The following EEFSEC variants were observed in gnomAD, a reference collection of about 807,000 sequenced individuals.
EEFSEC encodes selenocysteine-specific elongation factor.
In EEFSEC, 43 loss-of-function variants were observed where a neutral mutation model predicts 42.1. That is an observed-to-expected ratio of 1.02 (90% CI 0.80 to 1.32). The LOEUF (loss-of-function observed/expected upper bound fraction) is 1.32, where lower values mean the gene tolerates loss of function less well. Among genes scored for constraint, EEFSEC ranks in the 40% most tolerant of loss-of-function variants. The probability of loss-of-function intolerance (pLI) is 0.00; values close to 1 mark genes in which losing one functional copy is unlikely to be tolerated. For synonymous variants in EEFSEC, 354 were observed against 339.1 expected (o/e 1.04, Z -0.48); for missense variants, 745 against 803.6 (o/e 0.93, Z 0.88).
chr3:128,413,948 C>T, the EEFSEC span, among the ~76,000 whole-genome samples: 1 of 152,144 alleles, frequency 6.6e-6, no homozygotes, highest in Non-Finnish European at 1.5e-5. Context: ...GTGGCCAGCA[C>T]AGTGTGTCCC....
chr3:128,306,183 A>AT (rs1451070211), intron 4 of EEFSEC, among the ~76,000 whole-genome samples: 1 of 152,116 alleles, frequency 6.6e-6, no homozygotes, highest in Non-Finnish European at 1.5e-5. Context: ...CTAATATATG[A>AT]TTTTGTAAAT....
At chr3:128,203,970 G>A (rs1033868901) in intron 1 of EEFSEC, among the ~76,000 whole-genome samples, 3 of 152,248 alleles carry the variant, frequency 2.0e-5, no homozygotes, top group African/African-American at 7.2e-5. Context: ...GTATTAGATA[G>A]TTCTCTAAGT....
At chr3:128,295,060 G>A (rs34735977) in intron 4 of EEFSEC, among the ~76,000 whole-genome samples, 2,203 of 152,318 alleles carry the variant, frequency 0.014, 29 homozygotes, top group Non-Finnish European at 0.024. Flanking sequence ...TGTGGTGTTT[G>A]TCCGTTGCTG....
intron 5 of EEFSEC, among the ~76,000 whole-genome samples, chr3:128,344,148 G>T (rs2067286152): frequency 6.6e-6 from 1 of 152,230 alleles, no homozygotes; most frequent in African/African-American, 2.4e-5. Context: ...TAATGCTAGG[G>T]GCTGGCTGTA....
At chr3:128,300,684 T>C (rs1413005314) in intron 4 of EEFSEC, among the ~76,000 whole-genome samples, 1 of 152,194 alleles carries the variant, frequency 6.6e-6, no homozygotes, top group Non-Finnish European at 1.5e-5. Context: ...GTACCACTAA[T>C]TTAGTAGCTT....
intron 1 of EEFSEC, among the ~76,000 whole-genome samples, chr3:128,218,738 A>G (rs140275716): frequency 0.017 from 2,583 of 152,314 alleles, 36 homozygotes; most frequent in Middle Eastern, 0.041. Context: ...AAGCAAGTGA[A>G]TAAGAACAGA....
chr3:128,156,750 G>A (rs1944387821), intron 1 of EEFSEC, among the ~76,000 whole-genome samples: 1 of 152,188 alleles, frequency 6.6e-6, no homozygotes, highest in South Asian at 2.1e-4. Flanking sequence ...CTTAATAAAT[G>A]TTGTGTGTTT....
chr3:128,154,017 C>A, intron 1 of EEFSEC, 194 bp downstream of exon 1: 1 of 687,234 alleles, frequency 1.5e-6, no homozygotes, highest in Non-Finnish European at 2.2e-6. Context: ...TGAGATTCAG[C>A]TTTTCCCATC....
At chr3:128,344,467 G>C (rs1262137133) in intron 5 of EEFSEC, among the ~76,000 whole-genome samples, 2 of 152,104 alleles carry the variant, frequency 1.3e-5, no homozygotes, top group Non-Finnish European at 2.9e-5. Context: ...TTCTTCCTAC[G>C]AACCCAGGTC....
At position 128,282,697 on chromosome 3, in the gene EEFSEC, C is replaced by A. The variant is rs189146417; in HGVS notation, c.786+17916C>A. Among the ~76,000 whole-genome samples the A allele has an allele frequency of 1.6e-3, 243 of 152,328 alleles. 2 individuals carry two copies. Among genetic ancestry groups the A allele is most frequent in the African/African-American group, 5.8e-3 (240 of 41,574 alleles). ...GATTTTCATCATCTAGGTGCCAGCA[C>A]TGACAGACTTCAGGTGGGGAAAATC... is the stretch of plus-strand genomic sequence containing the variant. On this transcript the variant is annotated intron_variant, in intron 4 of 6. Coordinates refer to ENST00000254730, the MANE Select transcript of EEFSEC (RefSeq NM_021937.5).
At chr3:128,424,922 G>A in the EEFSEC span, among the ~76,000 whole-genome samples, 2 of 152,026 alleles carry the variant, frequency 1.3e-5, no homozygotes, top group Admixed American at 1.3e-4. Flanking sequence ...AGACTGCGGC[G>A]GAAGTGGTCT....
intron 1 of EEFSEC, among the ~76,000 whole-genome samples, chr3:128,201,378 G>A (rs1336620776): frequency 1.3e-5 from 2 of 151,218 alleles, no homozygotes; most frequent in African/African-American, 4.9e-5. Flanking sequence ...TTCTGGGTGT[G>A]CTTAAGAAAA....
At chr3:128,259,487 G>A (rs748564126) in intron 2 of EEFSEC, among the ~76,000 whole-genome samples, 13 of 152,164 alleles carry the variant, frequency 8.5e-5, no homozygotes, top group South Asian at 2.1e-4. Context: ...GGAAAAGGTA[G>A]CATACCTTTC....
chr3:128,281,143 A>G (rs1228998655), intron 4 of EEFSEC, among the ~76,000 whole-genome samples: 1 of 152,216 alleles, frequency 6.6e-6, no homozygotes. Flanking sequence ...CTTCCCTTTA[A>G]CAGGTGAGGG....
At chr3:128,202,608 T>C (rs1422296013) in intron 1 of EEFSEC, among the ~76,000 whole-genome samples, 1 of 152,230 alleles carries the variant, frequency 6.6e-6, no homozygotes, top group African/African-American at 2.4e-5. Flanking sequence ...TTTTACTTCT[T>C]TGTTTCTACT....
chr3:128,190,366 A>T (rs62271746), intron 1 of EEFSEC, among the ~76,000 whole-genome samples: 1 of 152,230 alleles, frequency 6.6e-6, no homozygotes, highest in Non-Finnish European at 1.5e-5. Context: ...GGCCTAGGCT[A>T]ATGTGCATGT....
downstream of EEFSEC, among the ~76,000 whole-genome samples, chr3:128,412,413 A>T (rs1373729145): frequency 1.3e-5 from 2 of 152,236 alleles, no homozygotes; most frequent in Non-Finnish European, 2.9e-5. Context: ...AGCCCCGCTG[A>T]CAGCCTCCCA....
At chr3:128,159,324 C>T (rs1195574104) in intron 1 of EEFSEC, among the ~76,000 whole-genome samples, 8 of 152,214 alleles carry the variant, frequency 5.3e-5, no homozygotes, top group Non-Finnish European at 8.8e-5. Context: ...TTCATTTCAC[C>T]TCATGGTCCA....
At chr3:128,202,378 T>C (rs2065652489) in intron 1 of EEFSEC, among the ~76,000 whole-genome samples, 2 of 152,242 alleles carry the variant, frequency 1.3e-5, no homozygotes, top group South Asian at 4.1e-4. Flanking sequence ...AGAGGTCTTG[T>C]ACATATGTTG....
Sources: gnomAD v4.1 joint callset for allele counts (sites outside exome capture counted in the v4.1 genomes callset) on GRCh38, gnomAD v4.1.1 for gene constraint, MANE v1.5 for transcripts, NCBI Gene and HGNC (gene_info 2026-07-23, HGNC 2026-07-21) for gene names.